The following ZMYND8 variants were observed in gnomAD, a reference collection of about 807,000 sequenced individuals.
The protein encoded by ZMYND8 is zinc finger MYND-type containing 8.
ZMYND8 carries 37 observed loss-of-function variants against 140.8 expected under a neutral mutation model. The observed-to-expected ratio is 0.26, with a 90% CI of 0.20 to 0.35. ZMYND8 has a LOEUF of 0.35. Among genes scored for constraint, ZMYND8 ranks in the 10% least tolerant of loss-of-function variants. The probability of loss-of-function intolerance (pLI) is 1.00; values close to 1 mark genes in which losing one functional copy is unlikely to be tolerated. For missense variants in ZMYND8, 1,068 were observed against 1,570.0 expected (o/e 0.68, Z 5.40); for synonymous variants, 592 against 597.1 (o/e 0.99, Z 0.12).
intron 11 of ZMYND8, among the ~76,000 whole-genome samples, chr20:47,272,672 C>T (rs762771363): frequency 3.9e-5 from 6 of 152,184 alleles, no homozygotes; most frequent in Non-Finnish European, 8.8e-5. Context: ...TCTTAGAAAG[C>T]TAAATATCCA....
At chr20:47,275,764 C>T (rs569844373) in intron 11 of ZMYND8, among the ~76,000 whole-genome samples, 5 of 151,966 alleles carry the variant, frequency 3.3e-5, no homozygotes, top group Non-Finnish European at 5.9e-5. Flanking sequence ...CACGCCACCA[C>T]GACCAGCTAA....
At chr20:47,343,199 T>G (rs2082052149) in intron 2 of ZMYND8, among the ~76,000 whole-genome samples, 2 of 152,226 alleles carry the variant, frequency 1.3e-5, no homozygotes, top group Admixed American at 1.3e-4. Context: ...GCAAGAGGAC[T>G]GCTTGAGTCC....
At chr20:47,300,887 TG>T (rs2077979825) in intron 3 of ZMYND8, among the ~76,000 whole-genome samples, 3 of 21,780 alleles carry the variant, frequency 1.4e-4, no homozygotes, top group African/African-American at 8.2e-4. Context: ...ACTAATTTTG[TG>T]TGTGTGTGTG....
At chr20:47,257,504 C>T (rs1280198285) in intron 12 of ZMYND8, among the ~76,000 whole-genome samples, 1 of 151,730 alleles carries the variant, frequency 6.6e-6, no homozygotes, top group African/African-American at 2.4e-5. Flanking sequence ...TACTTATATA[C>T]CATACACACA....
intron 1 of ZMYND8, among the ~76,000 whole-genome samples, chr20:47,355,134 C>T (rs2083113176): frequency 6.6e-6 from 1 of 152,190 alleles, no homozygotes; most frequent in African/African-American, 2.4e-5. Flanking sequence ...TTCACAAGCA[C>T]ATCACCTACT....
chr20:47,220,569 C>T (rs1450710490), intron 20 of ZMYND8, among the ~76,000 whole-genome samples: 2 of 152,108 alleles, frequency 1.3e-5, no homozygotes, highest in African/African-American at 2.4e-5. Flanking sequence ...TACCCTAGAA[C>T]ATTCACTGTT....
In ZMYND8 at chr20:47,334,913, G is replaced by A. The variant is rs534765329; in HGVS notation, c.85+12943C>T. Among the ~76,000 whole-genome samples, 14 of 150,212 alleles carry A rather than the reference G, an allele frequency of 9.3e-5. 1 individual carries two copies. In the East Asian group the frequency reaches 2.1e-3, roughly 22 times the overall value. On this transcript the variant is annotated intron_variant, in intron 2 of 22. Transcript: ENST00000471951. ...GCGTCAGCCACCACACCCGGTCTCCGTGAAAATATATTAAAAACCATCAAA... is the reference window on the plus strand; with the variant it reads ...GCGTCAGCCACCACACCCGGTCTCCATGAAAATATATTAAAAACCATCAAA...
intron 18 of ZMYND8, among the ~76,000 whole-genome samples, chr20:47,226,688 AG>A: frequency 6.6e-6 from 1 of 152,310 alleles, no homozygotes; most frequent in East Asian, 1.9e-4. Flanking sequence ...GGGATATAAC[AG>A]ATCCCTTTAT....
chr20:47,287,084 A>G, intron 8 of ZMYND8, 145 bp downstream of exon 8: 1 of 653,000 alleles, frequency 1.5e-6, no homozygotes, highest in Admixed American at 2.7e-5. Context: ...TGTTCTTTTT[A>G]CTTTCCTTGA....
chr20:47,244,862 G>A (rs1309733530), intron 14 of ZMYND8, among the ~76,000 whole-genome samples: 1 of 152,208 alleles, frequency 6.6e-6, no homozygotes, highest in Non-Finnish European at 1.5e-5. Context: ...TTTGAGACCA[G>A]CCTGGCCAAC....
At chr20:47,227,374 T>C in intron 17 of ZMYND8, 93 bp from the exon 18 acceptor site, 1 of 1,206,270 alleles carries the variant, frequency 8.3e-7, no homozygotes. Context: ...GTGAGGGGTA[T>C]GGGAATCATG....
At chr20:47,270,422 A>G (rs13040192) in intron 11 of ZMYND8, among the ~76,000 whole-genome samples, 1 of 151,406 alleles carries the variant, frequency 6.6e-6, no homozygotes, top group African/African-American at 2.4e-5. Context: ...ATAAAAAATT[A>G]AAAAAGAATA....
At chr20:47,346,018 AAGAG>A (rs1420764551) in intron 2 of ZMYND8, among the ~76,000 whole-genome samples, 1 of 152,130 alleles carries the variant, frequency 6.6e-6, no homozygotes. Flanking sequence ...AGTAGGAGAA[AAGAG>A]AGAAAGAGAC....
At chr20:47,213,938 T>C (rs2035672589) in intron 21 of ZMYND8, among the ~76,000 whole-genome samples, 2 of 152,254 alleles carry the variant, frequency 1.3e-5, no homozygotes, top group South Asian at 4.1e-4. Flanking sequence ...TCCCCTGCAC[T>C]ATTTTATTCT....
At chr20:47,351,215 C>A (rs2082751905) in intron 1 of ZMYND8, among the ~76,000 whole-genome samples, 1 of 152,162 alleles carries the variant, frequency 6.6e-6, no homozygotes, top group Admixed American at 6.6e-5. Context: ...TTTAAGCCTT[C>A]TGATTGTTAA....
At chr20:47,290,065 T>C (rs1000896266) in intron 7 of ZMYND8, 122 bp downstream of exon 7, 1 of 913,736 alleles carries the variant, frequency 1.1e-6, no homozygotes, top group Non-Finnish European at 1.6e-6. Flanking sequence ...TCACATATAT[T>C]AGCACAATCT....
chr20:47,210,645 G>A lies in ZMYND8; in HGVS notation c.*116C>T. The stretch of plus-strand genomic sequence containing the variant: ...CGCCGGGGGCTCAGGCTCAACTGAG[G>A]GTTTTGTCATTTTCAAGTCTGAAAG... On this transcript the variant is annotated 3_prime_UTR_variant, in exon 23 of 23. Coordinates refer to ENST00000471951, the MANE Select transcript of ZMYND8 (RefSeq NM_001281775.3). 6.4e-7 allele frequency: 1 copy of A among 1,574,372 alleles called. No individual in the cohort carries two copies. Among genetic ancestry groups the A allele is most frequent in the African/African-American group, 1.4e-5 (1 of 73,844 alleles).
At chr20:47,303,510 G>A (rs2078236526) in intron 3 of ZMYND8, among the ~76,000 whole-genome samples, 1 of 152,130 alleles carries the variant, frequency 6.6e-6, no homozygotes, top group South Asian at 2.1e-4. Flanking sequence ...CTCAGGTCAG[G>A]AGTTCAAGAC....
At chr20:47,330,645 T>C (rs1389787756) in intron 2 of ZMYND8, among the ~76,000 whole-genome samples, 3 of 152,134 alleles carry the variant, frequency 2.0e-5, no homozygotes, top group African/African-American at 7.2e-5. Context: ...CAAAGAGTAC[T>C]ATGTCCCTAG....
Sources: gnomAD v4.1 joint callset for allele counts (sites outside exome capture counted in the v4.1 genomes callset) on GRCh38, gnomAD v4.1.1 for gene constraint, MANE v1.5 for transcripts, NCBI Gene and HGNC (gene_info 2026-07-23, HGNC 2026-07-21) for gene names.